DLG2: variants seen among roughly 807,000 people sequenced by gnomAD.
DLG2 encodes disks large homolog 2.
A neutral mutation model predicts 132.5 loss-of-function variants in DLG2; 45 were observed. The observed-to-expected ratio is 0.34, with a 90% CI of 0.27 to 0.44. The LOEUF is 0.44. DLG2 is among the 20% of genes least tolerant of loss of function. The pLI, the probability that DLG2 is intolerant of heterozygous loss-of-function variation, is 1.00. For missense variants in DLG2, 1,045 were observed against 1,196.9 expected (o/e 0.87, Z 1.87); for synonymous variants, 424 against 419.6 (o/e 1.01, Z -0.13).
chr11:83,512,527 ATTTAT>A (rs2095083759), intron 21 of DLG2, among the ~76,000 whole-genome samples: 1 of 151,842 alleles, frequency 6.6e-6, no homozygotes, highest in Non-Finnish European at 1.5e-5. Context: ...GCATCATTTT[ATTTAT>A]TTATTTATTT....
At chr11:84,915,728 C>T (rs1375938816) in intron 6 of DLG2, among the ~76,000 whole-genome samples, 1 of 152,130 alleles carries the variant, frequency 6.6e-6, no homozygotes, top group South Asian at 2.1e-4. Context: ...CCTTGTTGTG[C>T]ATCTATTCTT....
intron 17 of DLG2, among the ~76,000 whole-genome samples, chr11:83,817,407 T>C (rs2049330514): frequency 6.6e-6 from 1 of 152,048 alleles, no homozygotes; most frequent in Admixed American, 6.6e-5. Flanking sequence ...CAGATATAGT[T>C]ACATGACAGA....
At chr11:83,580,236 C>G (rs2096947264) in intron 19 of DLG2, among the ~76,000 whole-genome samples, 1 of 152,020 alleles carries the variant, frequency 6.6e-6, no homozygotes. Context: ...TTGGACTCTT[C>G]CCATTTTTCC....
At chr11:84,958,577 A>G (rs1216403483) in intron 6 of DLG2, among the ~76,000 whole-genome samples, 2 of 152,152 alleles carry the variant, frequency 1.3e-5, no homozygotes, top group East Asian at 3.8e-4. Flanking sequence ...CCAGTCCCCA[A>G]AGTTAGCTCA....
intron 6 of DLG2, among the ~76,000 whole-genome samples, chr11:84,905,884 C>T (rs2091448638): frequency 6.6e-6 from 1 of 152,178 alleles, no homozygotes; most frequent in East Asian, 1.9e-4. Flanking sequence ...TGATTGCATA[C>T]ACATGGTACA....
At chr11:85,533,894 T>C (rs535347614) in intron 3 of DLG2, among the ~76,000 whole-genome samples, 1 of 152,364 alleles carries the variant, frequency 6.6e-6, no homozygotes, top group African/African-American at 2.4e-5. Context: ...AGAAGGCTGT[T>C]TACAAATGTT....
At chr11:85,304,677 C>T (rs1240894738) in intron 3 of DLG2, among the ~76,000 whole-genome samples, 1 of 152,118 alleles carries the variant, frequency 6.6e-6, no homozygotes, top group Non-Finnish European at 1.5e-5. Context: ...ATCCAAAACA[C>T]TTCTGGTTGA....
intron 9 of DLG2, among the ~76,000 whole-genome samples, chr11:84,134,393 A>C (rs533878649): frequency 1.3e-5 from 2 of 152,266 alleles, no homozygotes; most frequent in African/African-American, 4.8e-5. Context: ...TGGGTTAAGA[A>C]GTGCTATTTA....
chr11:84,631,018 TCACACACACACACA>T (rs372331224), intron 6 of DLG2, among the ~76,000 whole-genome samples: 3 of 94,288 alleles, frequency 3.2e-5, no homozygotes, highest in African/African-American at 9.1e-5. Flanking sequence ...TCTCTCTCTC[TCACACACACACACA>T]CACACACACA....
chr11:85,474,669 T>C (rs767710663), intron 3 of DLG2, among the ~76,000 whole-genome samples: 9 of 152,084 alleles, frequency 5.9e-5, no homozygotes, highest in Middle Eastern at 3.4e-3. Flanking sequence ...AAAATTGTTC[T>C]CTATCTATGC....
intron 3 of DLG2, among the ~76,000 whole-genome samples, chr11:85,520,515 C>CCACACACACA (rs3068471): frequency 0.1 from 14,846 of 147,944 alleles, 974 homozygotes; most frequent in East Asian, 0.29. Flanking sequence ...GTATATGGAA[C>CCACACACACA]CACACACACA....
intron 18 of DLG2, among the ~76,000 whole-genome samples, chr11:83,712,432 C>A (rs925526752): frequency 6.6e-6 from 1 of 151,924 alleles, no homozygotes; most frequent in African/African-American, 2.4e-5. Context: ...AGTTTGAGAC[C>A]AGCCTAACCA....
chr11:83,967,097 T>C (rs560222126), intron 12 of DLG2, among the ~76,000 whole-genome samples: 1 of 152,214 alleles, frequency 6.6e-6, no homozygotes, highest in African/African-American at 2.4e-5. Flanking sequence ...AATATTTCAT[T>C]GTGCATATAT....
At chr11:83,758,869 T>A (rs1307889135) in intron 18 of DLG2, among the ~76,000 whole-genome samples, 1 of 152,200 alleles carries the variant, frequency 6.6e-6, no homozygotes, top group Non-Finnish European at 1.5e-5. Context: ...ATATTTACCA[T>A]TTTGTAATAT....
At chr11:83,560,211 G>C (rs760142922) in intron 19 of DLG2, among the ~76,000 whole-genome samples, 38 of 151,900 alleles carry the variant, frequency 2.5e-4, no homozygotes, top group Non-Finnish European at 4.3e-4. Flanking sequence ...TCTGCCTTCT[G>C]GGTTCAAGTA....
intron 3 of DLG2, among the ~76,000 whole-genome samples, chr11:85,559,602 T>C (rs1409146260): frequency 6.6e-6 from 1 of 151,484 alleles, no homozygotes; most frequent in Non-Finnish European, 1.5e-5. Flanking sequence ...CAGAAGACTT[T>C]TGTTAACCTA....
chr11:84,328,313 G>A (rs2098442836), intron 7 of DLG2, among the ~76,000 whole-genome samples: 1 of 151,284 alleles, frequency 6.6e-6, no homozygotes, highest in Non-Finnish European at 1.5e-5. Context: ...GGAAGGAAGG[G>A]TGGGCAAGAA....
intron 3 of DLG2, among the ~76,000 whole-genome samples, chr11:85,316,105 A>C (rs1453953742): frequency 6.6e-6 from 1 of 152,000 alleles, no homozygotes; most frequent in African/African-American, 2.4e-5. Flanking sequence ...GCACAGCTCG[A>C]ACAGGTCAAA....
At chr11:84,839,350 A>G (rs543419542) in intron 6 of DLG2, among the ~76,000 whole-genome samples, 7 of 152,258 alleles carry the variant, frequency 4.6e-5, no homozygotes, top group African/African-American at 1.7e-4. Flanking sequence ...AAGAGGACAC[A>G]AACAAATGGA....
Sources: allele counts gnomAD v4.1 joint callset (sites outside exome capture counted in the v4.1 genomes callset), GRCh38; gene constraint gnomAD v4.1.1; transcripts MANE v1.5; gene names NCBI Gene and HGNC (gene_info 2026-07-23, HGNC 2026-07-21).